The following COL18A1 variants were observed in gnomAD, a reference collection of about 807,000 sequenced individuals.
COL18A1 encodes the protein collagen type XVIII alpha 1 chain, also known as collagen alpha-1(XVIII) chain.
In COL18A1, 133 loss-of-function variants were observed where a neutral mutation model predicts 168.0. The observed-to-expected ratio is 0.79, with a 90% CI of 0.69 to 0.91. COL18A1 has a LOEUF of 0.91. Ranked by LOEUF, COL18A1 falls within the 40% of genes least tolerant of loss-of-function variation. COL18A1 has a pLI of 0.00. For synonymous variants in COL18A1, 949 were observed against 809.0 expected, an observed-to-expected ratio of 1.17 and a Z score of -2.94; for missense variants, 2,126 against 1,925.4, an observed-to-expected ratio of 1.10 and a Z score of -1.95.
At chr21:45,427,598 C>A (rs774178302) in intron 2 of COL18A1, among the ~76,000 whole-genome samples, 1 of 152,184 alleles carries the variant, frequency 6.6e-6, no homozygotes, top group Non-Finnish European at 1.5e-5. Flanking sequence ...CCACGGCGGG[C>A]GGGGAGCGGA....
At chr21:45,503,449 C>A (rs753297710) in intron 32 of COL18A1, among the ~76,000 whole-genome samples, 4 of 151,902 alleles carry the variant, frequency 2.6e-5, no homozygotes, top group African/African-American at 9.7e-5. Flanking sequence ...TGGAATACTA[C>A]GCAGCCATAA....
At chr21:45,494,031 A>G in intron 26 of COL18A1, 1 of 254,950 alleles carries the variant, frequency 3.9e-6, no homozygotes, top group Non-Finnish European at 7.6e-6. Context: ...GCAGCCGCCC[A>G]GAAAAGCCCT....
intron 2 of COL18A1, chr21:45,421,653 G>C (rs564633313): frequency 9.9e-6 from 5 of 507,486 alleles, no homozygotes; most frequent in African/African-American, 3.9e-5. Flanking sequence ...GTGGCTGGCA[G>C]GTTGCCAGGA....
At chr21:45,509,873 C>A (rs949435339) in intron 39 of COL18A1, among the ~76,000 whole-genome samples, 191 bp from the exon 40 acceptor site, 1 of 152,204 alleles carries the variant, frequency 6.6e-6, no homozygotes, top group African/African-American at 2.4e-5. Context: ...CCACGTGGCC[C>A]GGGGCTGCTC....
rs1303125719 is a variant in COL18A1 at position 45,512,627 on chromosome 21, CCT to C, written c.*230_*231del. ...TGACATTCACCTGCCCCAACTCTCC[CCT>C]GACCTGTGAGCCCAGCTGGGTCAGG... is the stretch of plus-strand genomic sequence containing the variant. On this transcript the variant is annotated 3_prime_UTR_variant, in exon 42 of 42. Transcript: ENST00000651438. 2 of 590,228 alleles carry C rather than the reference CCT, an allele frequency of 3.4e-6. No homozygotes were observed. The highest frequency in any genetic ancestry group is 2.9e-5 in the East Asian group (1 of 34,550). 36.6% of individuals were successfully genotyped at this position (590,228 alleles called of 1,614,324 possible).
Position 45,511,581 on chromosome 21 carries a change from G to A in COL18A1, c.3809+355G>A, listed in dbSNP as rs1418617384. 7.9e-5 allele frequency among the ~76,000 whole-genome samples: 12 copies of A among 152,172 alleles called. No individual in the cohort carries two copies. The East Asian group carries it at 9.7e-4, about 12-fold the overall frequency. ...GAATAAACTCCTCAAAGGGCAACAC[G>A]GAGTCCGAGCATGTGTGCCCTTAAA... On this transcript the variant is annotated intron_variant, in intron 41 of 41. Coordinates refer to ENST00000651438, the MANE Select transcript of COL18A1 (RefSeq NM_001379500.1).
intron 10 of COL18A1, 41 bp from the exon 11 acceptor site, chr21:45,480,029 G>C: frequency 1.2e-6 from 2 of 1,611,934 alleles, no homozygotes; most frequent in Non-Finnish European, 1.7e-6. Flanking sequence ...TGGGGGCTGT[G>C]TGCGTGCCCA....
chr21:45,470,608 T>C (rs1276077993), intron 3 of COL18A1, among the ~76,000 whole-genome samples: 1 of 151,554 alleles, frequency 6.6e-6, no homozygotes, highest in East Asian at 2.0e-4. Flanking sequence ...TGCCTCAGCC[T>C]CCCAAGTAGC....
chr21:45,487,155 C>G (rs979996299), intron 16 of COL18A1, among the ~76,000 whole-genome samples, 163 bp downstream of exon 16: 2 of 152,212 alleles, frequency 1.3e-5, no homozygotes, highest in South Asian at 2.1e-4. Flanking sequence ...GGGCTCGAGT[C>G]TCTCGCCCGT....
At chr21:45,497,477 A>G (rs1169163107) in intron 31 of COL18A1, 122 bp from the exon 32 acceptor site, 13 of 1,321,880 alleles carry the variant, frequency 9.8e-6, no homozygotes, top group Non-Finnish European at 1.3e-5. Flanking sequence ...GACTGTCCCC[A>G]TGTCCATCTG....
In COL18A1 at chr21:45,453,869, G is replaced by A. The variant is rs555997793; in HGVS notation, c.107-14373G>A. Among the ~76,000 whole-genome samples, 14 of 152,300 alleles carry A rather than the reference G, an allele frequency of 9.2e-5. No individual in the cohort carries two copies. The East Asian group carries it at 2.7e-3, about 29-fold the overall frequency. The stretch of plus-strand genomic sequence containing the variant: ...CTCTGCCCAGGAGGTGTATATTGGG[G>A]GGCATGAATGTAGGGCCAGCCCAGC... On this transcript the variant is annotated intron_variant, in intron 2 of 41. Coordinates refer to ENST00000651438, the MANE Select transcript of COL18A1 (RefSeq NM_001379500.1).
intron 2 of COL18A1, chr21:45,422,501 C>T (rs369109321): frequency 4.2e-5 from 22 of 525,816 alleles, no homozygotes; most frequent in Non-Finnish European, 7.0e-5. Context: ...GGGGCCTTTG[C>T]GTGGCTGCCT....
At chr21:45,446,081 C>T (rs550956468) in intron 2 of COL18A1, among the ~76,000 whole-genome samples, 3 of 152,150 alleles carry the variant, frequency 2.0e-5, no homozygotes, top group Non-Finnish European at 4.4e-5. Flanking sequence ...TATTTAAGAG[C>T]TAAAATAAAA....
intron 3 of COL18A1, among the ~76,000 whole-genome samples, chr21:45,470,134 C>T (rs558492863): frequency 2.6e-5 from 4 of 152,350 alleles, no homozygotes; most frequent in South Asian, 2.1e-4. Context: ...GCCGGGCCAC[C>T]GCCCTGCGGT....
At position 45,480,166 on chromosome 21, in the gene COL18A1, GC is replaced by G; in HGVS notation, c.1398+13del. 6.6e-7 allele frequency: 1 copy of G among 1,508,066 alleles called. No individual in the cohort carries two copies. The highest frequency in any genetic ancestry group is 9.2e-7 in the Non-Finnish European group (1 of 1,088,526). 93.4% of individuals were successfully genotyped at this position (1,508,066 alleles called of 1,614,324 possible). A position where few individuals can be genotyped will look rare whatever the true frequency, so the allele number is the denominator to read the frequency against. On this transcript the variant is annotated intron_variant, in intron 11 of 41. Transcript: ENST00000651438. Reference sequence around the variant, plus strand: ...CAGACACGACAAGCTGGTAAGTCCCGCCCTTGGCTTCCTGCGACCCGGGGTC... The same window carrying G: ...CAGACACGACAAGCTGGTAAGTCCCGCCTTGGCTTCCTGCGACCCGGGGTC...
rs2037671133 is a variant in COL18A1 at position 45,512,506 on chromosome 21, A to ACTTTC, written c.*111_*115dup. ...CCTGGCCCCAGGACCTGGCTGCCAT[A>ACTTTC]CTTTCCTGTATAGTTCACGTTTCAT... On this transcript the variant is annotated 3_prime_UTR_variant, in exon 42 of 42. Coordinates refer to ENST00000651438, the MANE Select transcript of COL18A1 (RefSeq NM_001379500.1). 3 of 978,562 alleles carry ACTTTC rather than the reference A, an allele frequency of 3.1e-6. No homozygotes were observed. Among genetic ancestry groups the ACTTTC allele is most frequent in the African/African-American group, 3.2e-5 (2 of 62,234 alleles). 60.6% of individuals were successfully genotyped at this position (978,562 alleles called of 1,614,324 possible). A position where few individuals can be genotyped will look rare whatever the true frequency, so the allele number is the denominator to read the frequency against.
In COL18A1 at chr21:45,495,366, C is replaced by A; in HGVS notation, c.2442C>A (p.Pro814=). The A allele has an allele frequency of 6.2e-7, 1 of 1,609,516 alleles. No homozygotes were observed. The highest frequency in any genetic ancestry group is 1.1e-5 in the South Asian group (1 of 90,388). ...CCTGTGCTCCGCCCCAGGGTCGCCCCGGGATGAACGGATTGAAAGGAGAGA... is the reference window on the plus strand; with the variant it reads ...CCTGTGCTCCGCCCCAGGGTCGCCCAGGGATGAACGGATTGAAAGGAGAGA... ...EIGFPGRPGR[P]GMNGLKGEKG... Residue 814 remains proline, a synonymous_variant, in exon 29 of 42, where the codon CCC becomes CCA. Transcript: ENST00000651438.
chr21:45,465,597 G>A (rs2035172623), intron 2 of COL18A1, among the ~76,000 whole-genome samples: 1 of 152,204 alleles, frequency 6.6e-6, no homozygotes, highest in African/African-American at 2.4e-5. Flanking sequence ...CCTGGAAAGT[G>A]GGCTGAGAGC....
intron 2 of COL18A1, among the ~76,000 whole-genome samples, chr21:45,416,965 G>A (rs149151204): frequency 6.6e-6 from 1 of 152,164 alleles, no homozygotes; most frequent in Non-Finnish European, 1.5e-5. Flanking sequence ...TGTTCCGTGA[G>A]TTTTCAGATA....
Sources: gnomAD v4.1 joint callset for allele counts (sites outside exome capture counted in the v4.1 genomes callset) on GRCh38, gnomAD v4.1.1 for gene constraint, MANE v1.5 for transcripts, NCBI Gene and HGNC (gene_info 2026-07-23, HGNC 2026-07-21) for gene names.